The following MMP16 variants were observed in gnomAD, a reference collection of about 807,000 sequenced individuals.
MMP16 encodes the protein matrix metallopeptidase 16.
Under a neutral mutation model 67.8 loss-of-function variants are expected in MMP16, and 12 were observed. The ratio of observed to expected loss-of-function variants is 0.18; its 90% CI spans 0.11 to 0.29. MMP16 has a LOEUF of 0.29. Ranked by LOEUF, MMP16 falls within the 10% of genes least tolerant of loss-of-function variation. The probability of loss-of-function intolerance (pLI) is 1.00; values close to 1 mark genes in which losing one functional copy is unlikely to be tolerated. For synonymous variants in MMP16, 249 were observed against 255.9 expected (o/e 0.97, Z 0.26); for missense variants, 475 against 765.7 (o/e 0.62, Z 4.48).
intron 1 of MMP16, among the ~76,000 whole-genome samples, chr8:88,275,548 C>T (rs140229045): frequency 8.0e-4 from 122 of 151,840 alleles, no homozygotes; most frequent in Non-Finnish European, 6.8e-4. Flanking sequence ...CATGGGGTGG[C>T]CTGTTATTAA....
intron 8 of MMP16, among the ~76,000 whole-genome samples, chr8:88,047,567 C>T (rs543903805): frequency 6.6e-6 from 1 of 152,048 alleles, no homozygotes; most frequent in South Asian, 2.1e-4. Flanking sequence ...GAAGAACATT[C>T]CAGGCAGAGA....
At chr8:88,262,826 C>T (rs1810407869) in intron 1 of MMP16, among the ~76,000 whole-genome samples, 1 of 137,176 alleles carries the variant, frequency 7.3e-6, no homozygotes, top group Non-Finnish European at 1.5e-5. Flanking sequence ...CATGGTGAAA[C>T]CCCGTCTCTA....
chr8:88,109,303 T>C (rs1199175320), intron 6 of MMP16, among the ~76,000 whole-genome samples: 3 of 151,338 alleles, frequency 2.0e-5, no homozygotes, highest in Non-Finnish European at 4.4e-5. Flanking sequence ...TTGACTTTCA[T>C]GGACTTTTTC....
chr8:88,112,755 T>G (rs1809360042), intron 6 of MMP16, among the ~76,000 whole-genome samples: 1 of 151,372 alleles, frequency 6.6e-6, no homozygotes. Context: ...GAACTCACTT[T>G]AAATAAATGG....
intron 3 of MMP16, among the ~76,000 whole-genome samples, chr8:88,185,749 T>C (rs1809062933): frequency 6.6e-6 from 1 of 152,182 alleles, no homozygotes; most frequent in Admixed American, 6.5e-5. Context: ...TCTGGTTTTC[T>C]AGAATGGGTT....
At chr8:88,286,920 T>C (rs1032950250) in intron 1 of MMP16, among the ~76,000 whole-genome samples, 1 of 152,162 alleles carries the variant, frequency 6.6e-6, no homozygotes, top group African/African-American at 2.4e-5. Flanking sequence ...TAAATTTCCC[T>C]CTTAATTCAT....
intron 6 of MMP16, among the ~76,000 whole-genome samples, chr8:88,078,400 G>A (rs1187169489): frequency 2.0e-5 from 3 of 152,066 alleles, no homozygotes; most frequent in Non-Finnish European, 2.9e-5. Flanking sequence ...AGTAACATAC[G>A]GGGAAATTCT....
In MMP16 at chr8:88,033,313, T is replaced by A. The variant is rs1374250660; in HGVS notation, c.*8148A>T. 6.7e-6 allele frequency: 1 copy of A among 149,798 alleles called. No individual in the cohort carries two copies. Among genetic ancestry groups the A allele is most frequent in the Non-Finnish European group, 1.5e-5 (1 of 67,496 alleles). 9.3% of individuals were successfully genotyped at this position (149,798 alleles called of 1,614,324 possible). On this transcript the variant is annotated 3_prime_UTR_variant, in exon 10 of 10. Coordinates refer to ENST00000286614, the MANE Select transcript of MMP16 (RefSeq NM_005941.5). Reference sequence around the variant, plus strand: ...TAGTAAATATATATATATATATGTATCATATATACTATATATTCCTAAATC... The same window carrying A: ...TAGTAAATATATATATATATATGTAACATATATACTATATATTCCTAAATC...
At chr8:88,314,444 C>G (rs1811346757) in intron 1 of MMP16, among the ~76,000 whole-genome samples, 2 of 152,018 alleles carry the variant, frequency 1.3e-5, no homozygotes, top group African/African-American at 4.8e-5. Flanking sequence ...TGAATTTTAC[C>G]CTGTTGGGTG....
intron 1 of MMP16, among the ~76,000 whole-genome samples, chr8:88,256,686 A>T (rs2337521): frequency 0.89 from 123,592 of 138,726 alleles, 54,532 homozygotes; most frequent in East Asian, 0.99. Flanking sequence ...TCTCTCTCTC[A>T]CACACACACA....
At chr8:88,153,607 C>T (rs1460900827) in intron 4 of MMP16, among the ~76,000 whole-genome samples, 1 of 151,432 alleles carries the variant, frequency 6.6e-6, no homozygotes, top group African/African-American at 2.4e-5. Flanking sequence ...GAAAAACAAG[C>T]AATGGGGAAA....
At chr8:88,223,591 G>A (rs1809720654) in intron 1 of MMP16, among the ~76,000 whole-genome samples, 1 of 150,574 alleles carries the variant, frequency 6.6e-6, no homozygotes, top group African/African-American at 2.4e-5. Context: ...CTATGGCAAG[G>A]ACAGAAAACC....
At position 88,172,885 on chromosome 8, in the gene MMP16, T is replaced by A. The variant is rs140972232; in HGVS notation, c.405-4912A>T. On this transcript the variant is annotated intron_variant, in intron 3 of 9. Transcript: ENST00000286614. ...TTACATAACAAAACCAATGTCTTTA[T>A]AAGTACAAAAGAGTTGAGAAAAGAG... 6.7e-4 allele frequency among the ~76,000 whole-genome samples: 102 copies of A among 152,222 alleles called. 1 individual carries two copies. The highest frequency in any genetic ancestry group is 3.4e-3 in the Middle Eastern group (1 of 294).
rs766265947 is a variant in MMP16 at position 88,043,510 on chromosome 8, C to T, written c.1490-1715G>A. 2.0e-5 allele frequency among the ~76,000 whole-genome samples: 3 copies of T among 152,056 alleles called. No homozygotes were observed. In the East Asian group the frequency reaches 5.8e-4, roughly 29 times the overall value. ...GTTGGTCAGGCTAGTCTCAAACTCCCGACCTCGGAGATCGCCTATCTTTTA... is the reference window on the plus strand; with the variant it reads ...GTTGGTCAGGCTAGTCTCAAACTCCTGACCTCGGAGATCGCCTATCTTTTA... On this transcript the variant is annotated intron_variant, in intron 9 of 9. Coordinates refer to ENST00000286614, the MANE Select transcript of MMP16 (RefSeq NM_005941.5).
intron 1 of MMP16, among the ~76,000 whole-genome samples, chr8:88,238,783 G>T (rs1172424412): frequency 6.7e-6 from 1 of 148,952 alleles, no homozygotes; most frequent in African/African-American, 2.5e-5. Flanking sequence ...AAAAGTTTAT[G>T]ATATTTAAGT....
chr8:88,281,029 C>T (rs548452073), intron 1 of MMP16, among the ~76,000 whole-genome samples: 31 of 152,100 alleles, frequency 2.0e-4, no homozygotes, highest in Non-Finnish European at 3.8e-4. Flanking sequence ...AAATTAATAA[C>T]GATGAAATTT....
rs1339860299 is a variant in MMP16, at chr8:88,041,992, C to T, written c.1490-197G>A. Among the ~76,000 whole-genome samples, 1 of 152,136 alleles carries T rather than the reference C, an allele frequency of 6.6e-6. No homozygotes were observed. Among genetic ancestry groups the T allele is most frequent in the Non-Finnish European group, 1.5e-5 (1 of 68,036 alleles). On this transcript the variant is annotated intron_variant, in intron 9 of 9. Transcript: ENST00000286614. The surrounding 1 kb of genome is among the most constrained non-coding windows in gnomAD (Gnocchi z 6.0). ...TGCTGTGCTCCAGGAATGATGCCAT[C>T]TAATGCCTATGGAAAGCTCAGTCCA...
chr8:88,219,576 T>C (rs1809645717), intron 1 of MMP16, among the ~76,000 whole-genome samples: 1 of 152,136 alleles, frequency 6.6e-6, no homozygotes, highest in South Asian at 2.1e-4. Flanking sequence ...GATCAGTGTC[T>C]CATTCATTTA....
intron 4 of MMP16, among the ~76,000 whole-genome samples, chr8:88,141,702 CCATTACTTT>C (rs1808213903): frequency 6.6e-6 from 1 of 152,110 alleles, no homozygotes; most frequent in Admixed American, 6.6e-5. Context: ...ATTATTTTCA[CCATTACTTT>C]CATAGTTATT....
Sources: gnomAD v4.1 joint callset for allele counts (sites outside exome capture counted in the v4.1 genomes callset) on GRCh38, gnomAD v4.1.1 for gene constraint, Gnocchi (gnomAD v3.1) non-coding constraint, MANE v1.5 for transcripts, NCBI Gene and HGNC (gene_info 2026-07-23, HGNC 2026-07-21) for gene names.